ZPBP: variants seen among roughly 807,000 people sequenced by gnomAD.
ZPBP encodes the protein zona pellucida binding protein, also known as zona pellucida-binding protein 1.
ZPBP carries 26 observed loss-of-function variants against 44.8 expected under a neutral mutation model. That is an observed-to-expected ratio of 0.58 (90% CI 0.43 to 0.81). ZPBP has a LOEUF of 0.81. Ranked by LOEUF, ZPBP falls within the 30% of genes least tolerant of loss-of-function variation. ZPBP has a pLI of 0.00. For synonymous variants in ZPBP, 174 were observed against 153.2 expected (o/e 1.14, Z -1.00); for missense variants, 409 against 434.0 (o/e 0.94, Z 0.51).
At chr7:49,938,946 T>G (rs540457974) in intron 7 of ZPBP, among the ~76,000 whole-genome samples, 6 of 152,356 alleles carry the variant, frequency 3.9e-5, no homozygotes, top group African/African-American at 1.2e-4. Context: ...GAGGAAATAT[T>G]TGCCATTCTA....
intron 4 of ZPBP, among the ~76,000 whole-genome samples, chr7:50,033,966 T>C (rs1799717304): frequency 6.6e-6 from 1 of 152,122 alleles, no homozygotes; most frequent in Admixed American, 6.5e-5. Context: ...GTGCTGGGAT[T>C]ACAGGTGTAA....
chr7:49,976,901 G>A (rs1204416483), intron 7 of ZPBP, among the ~76,000 whole-genome samples: 1 of 151,970 alleles, frequency 6.6e-6, no homozygotes, highest in African/African-American at 2.4e-5. Flanking sequence ...AGGAGATTGA[G>A]ACCATCCTGG....
intron 3 of ZPBP, among the ~76,000 whole-genome samples, chr7:50,076,828 CAATCTGGAG>C (rs1190718266): frequency 1.3e-5 from 2 of 151,654 alleles, no homozygotes; most frequent in Admixed American, 1.3e-4. Flanking sequence ...CTATACAAAG[CAATCTGGAG>C]ATTCAATGCA....
intron 1 of ZPBP, among the ~76,000 whole-genome samples, chr7:49,903,848 TGA>T (rs1792922986): frequency 6.6e-6 from 1 of 152,004 alleles, no homozygotes. Context: ...CTCTCTCTAG[TGA>T]GAGAGAAGGG....
chr7:49,944,917 A>G (rs1795038101), intron 7 of ZPBP, among the ~76,000 whole-genome samples: 1 of 151,144 alleles, frequency 6.6e-6, no homozygotes, highest in African/African-American at 2.4e-5. Flanking sequence ...TTGTTTTTCT[A>G]GTTCTTTAAG....
At chr7:49,924,136 A>AAATAATAATAATAATAATAAT (rs59183596) in intron 1 of ZPBP, among the ~76,000 whole-genome samples, 1 of 149,424 alleles carries the variant, frequency 6.7e-6, no homozygotes, top group African/African-American at 2.5e-5. Context: ...TAATAATAAT[A>AAATAATAATAATAATAATAAT]AATAATAATA....
chr7:50,023,754 A>C (rs1389437379), intron 5 of ZPBP, among the ~76,000 whole-genome samples: 1 of 152,056 alleles, frequency 6.6e-6, no homozygotes, highest in African/African-American at 2.4e-5. Flanking sequence ...CTAATGGAAA[A>C]AATGGGACAA....
intron 5 of ZPBP, among the ~76,000 whole-genome samples, chr7:50,022,662 G>A (rs1799152157): frequency 6.6e-6 from 1 of 152,020 alleles, no homozygotes. Flanking sequence ...GAACTTGTCA[G>A]TTGTCAGGCC....
At chr7:49,905,823 G>A (rs1421523154) in intron 1 of ZPBP, among the ~76,000 whole-genome samples, 1 of 152,174 alleles carries the variant, frequency 6.6e-6, no homozygotes, top group Non-Finnish European at 1.5e-5. Context: ...GATAAAACAG[G>A]CTGCAGTAAA....
chr7:49,987,623 C>A (rs1176377169), intron 6 of ZPBP, among the ~76,000 whole-genome samples: 1 of 151,966 alleles, frequency 6.6e-6, no homozygotes. Context: ...GCCTTTTTAG[C>A]CTTAGAGAGT....
At chr7:49,856,161 T>A (rs776533976) in intron 2 of ZPBP, among the ~76,000 whole-genome samples, 19 of 152,178 alleles carry the variant, frequency 1.2e-4, no homozygotes, top group Non-Finnish European at 1.9e-4. Context: ...GTGTCCAAAC[T>A]GGGAATCTCA....
chr7:49,981,688 TATATATA>T (rs1562820607), intron 7 of ZPBP, among the ~76,000 whole-genome samples: 16 of 43,848 alleles, frequency 3.6e-4, no homozygotes, highest in South Asian at 1.8e-3. Flanking sequence ...TATATAATAA[TATATATA>T]ATTATATATA....
At chr7:49,951,751 C>T (rs1324525258) in intron 7 of ZPBP, among the ~76,000 whole-genome samples, 1 of 151,320 alleles carries the variant, frequency 6.6e-6, no homozygotes, top group Non-Finnish European at 1.5e-5. Flanking sequence ...CAAAAGAACT[C>T]TAAATGGGCA....
chr7:49,854,333 T>C (rs1457058686), intron 2 of ZPBP, among the ~76,000 whole-genome samples: 1 of 152,214 alleles, frequency 6.6e-6, no homozygotes, highest in East Asian at 1.9e-4. Context: ...CCACCAACAA[T>C]GTAAACGTGT....
chr7:49,980,087 T>G (rs1370462081), intron 7 of ZPBP, among the ~76,000 whole-genome samples: 2 of 100,140 alleles, frequency 2.0e-5, no homozygotes, highest in Non-Finnish European at 3.6e-5. Flanking sequence ...TATAATATAA[T>G]TTTATATTAT....
At chr7:50,012,348 T>G (rs1159732660) in intron 6 of ZPBP, among the ~76,000 whole-genome samples, 3 of 152,004 alleles carry the variant, frequency 2.0e-5, no homozygotes, top group Non-Finnish European at 4.4e-5. Flanking sequence ...CTTCAACTAG[T>G]GCATTCTATC....
intron 3 of ZPBP, among the ~76,000 whole-genome samples, chr7:50,063,294 T>TTATACATTTTTTA (rs1801339389): frequency 6.6e-6 from 1 of 152,212 alleles, no homozygotes; most frequent in Non-Finnish European, 1.5e-5. Flanking sequence ...GAGTTTCTGC[T>TTATACATTTTTTA]TATACATTTT....
At chr7:49,864,447 T>C (rs1790797276) in intron 2 of ZPBP, among the ~76,000 whole-genome samples, 2 of 152,186 alleles carry the variant, frequency 1.3e-5, no homozygotes, top group South Asian at 4.1e-4. Context: ...TGCATGGTGT[T>C]CTAGATTCCT....
chr7:50,027,536 A>G (rs1391476850), intron 5 of ZPBP, among the ~76,000 whole-genome samples: 2 of 152,070 alleles, frequency 1.3e-5, no homozygotes, highest in Non-Finnish European at 2.9e-5. Flanking sequence ...TTTCAAATCA[A>G]TTACTTAACG....
Sources: allele counts gnomAD v4.1 joint callset (sites outside exome capture counted in the v4.1 genomes callset), GRCh38; gene constraint gnomAD v4.1.1; transcripts MANE v1.5; gene names NCBI Gene and HGNC (gene_info 2026-07-23, HGNC 2026-07-21).